Variants in NAA38 observed in about 807,000 individuals in gnomAD.
NAA38 encodes the protein LSM domain containing 1.
In NAA38, 15 loss-of-function variants were observed where a neutral mutation model predicts 12.6. The ratio of observed to expected loss-of-function variants is 1.19; its 90% CI spans 0.79 to 1.83. The LOEUF (loss-of-function observed/expected upper bound fraction) is 1.83. Ranked by LOEUF, NAA38 falls within the 40% of genes most tolerant of loss-of-function variation. NAA38 has a pLI of 0.00. For synonymous variants in NAA38, 88 were observed against 69.9 expected (o/e 1.26, Z -1.29); for missense variants, 183 against 171.7 (o/e 1.07, Z -0.37).
At chr17:7,884,924 G>A in intron 1 of NAA38, 2 of 1,413,944 alleles carry the variant, frequency 1.4e-6, no homozygotes, top group East Asian at 3.0e-5. Flanking sequence ...GGAGGCGGCC[G>A]ACGAGGACGA....
upstream of NAA38, chr17:7,862,104 T>A (rs1376769645): frequency 4.6e-5 from 7 of 152,246 alleles, no homozygotes; most frequent in Admixed American, 4.6e-4. Context: ...ATAAATCAGT[T>A]AGCACCATGC....
intron 2 of NAA38, among the ~76,000 whole-genome samples, chr17:7,882,357 G>C (rs1361511500): frequency 6.6e-6 from 1 of 152,154 alleles, no homozygotes; most frequent in African/African-American, 2.4e-5. Context: ...GAAAGAGGGG[G>C]AGTCAGGCAC....
intron 2 of NAA38, among the ~76,000 whole-genome samples, chr17:7,872,512 G>A (rs890535559): frequency 7.2e-5 from 11 of 152,274 alleles, no homozygotes; most frequent in East Asian, 5.8e-4. Context: ...GCAGGCATGC[G>A]CCACCACGCC....
intron 2 of NAA38, among the ~76,000 whole-genome samples, chr17:7,871,020 C>A (rs1967077128): frequency 6.6e-6 from 1 of 152,152 alleles, no homozygotes. Flanking sequence ...AACCACCACA[C>A]CCAACCAGAA....
chr17:7,882,171 C>G (rs1310053771), intron 2 of NAA38, among the ~76,000 whole-genome samples: 1 of 152,148 alleles, frequency 6.6e-6, no homozygotes, highest in African/African-American at 2.4e-5. Context: ...ACACGGCCAC[C>G]TTTAGCCACC....
At chr17:7,868,428 A>G (rs1967027769) in intron 2 of NAA38, among the ~76,000 whole-genome samples, 1 of 152,222 alleles carries the variant, frequency 6.6e-6, no homozygotes, top group Non-Finnish European at 1.5e-5. Context: ...TCTTAGAAGA[A>G]ATCTAACTGC....
At chr17:7,861,266 G>A (rs2078881105), upstream of NAA38, 1 of 152,078 alleles carries the variant, frequency 6.6e-6, no homozygotes, top group African/African-American at 2.4e-5. Context: ...AGATACTGGT[G>A]GGCTATATAG....
chr17:7,872,648 G>A (rs531281848), intron 2 of NAA38, among the ~76,000 whole-genome samples: 39 of 152,322 alleles, frequency 2.6e-4, no homozygotes, highest in Admixed American at 1.5e-3. Flanking sequence ...GGCCTGAGCC[G>A]CTGTGCCCGG....
intron 2 of NAA38, among the ~76,000 whole-genome samples, chr17:7,875,538 T>C (rs893909374): frequency 6.6e-6 from 1 of 152,218 alleles, no homozygotes; most frequent in African/African-American, 2.4e-5. Context: ...TCTTGCTATG[T>C]TGCTCAGGCT....
chr17:7,858,594 C>G (rs201752570), upstream of NAA38: 71 of 1,606,736 alleles, frequency 4.4e-5, no homozygotes, highest in Non-Finnish European at 5.9e-5. Flanking sequence ...CGCCCCAAAC[C>G]CTCCTTTAAA....
chr17:7,879,524 C>T (rs1567819386), intron 2 of NAA38, among the ~76,000 whole-genome samples: 2 of 151,652 alleles, frequency 1.3e-5, no homozygotes, highest in South Asian at 2.1e-4. Flanking sequence ...ATGTTTCTTG[C>T]TTTTGCGTTA....
chr17:7,869,784 A>C (rs894814715), intron 2 of NAA38, among the ~76,000 whole-genome samples: 4 of 152,018 alleles, frequency 2.6e-5, no homozygotes, highest in African/African-American at 9.7e-5. Flanking sequence ...AAAGAAAAAA[A>C]AATATTTTCC....
intron 2 of NAA38, among the ~76,000 whole-genome samples, chr17:7,868,027 C>G (rs1016775517): frequency 1.3e-5 from 2 of 152,154 alleles, no homozygotes; most frequent in Non-Finnish European, 2.9e-5. Flanking sequence ...GGCAGGCAGG[C>G]ACATGTCCAG....
At chr17:7,858,550 G>A (rs1597872860), upstream of NAA38, 4 of 1,612,838 alleles carry the variant, frequency 2.5e-6, no homozygotes, top group African/African-American at 1.3e-5. Context: ...AAAGGCGGAG[G>A]CTAGCCAGAG....
In NAA38 at chr17:7,884,288, T is replaced by C. The variant is rs981578325; in HGVS notation, c.-167+877A>G. Among the ~76,000 whole-genome samples, 12 of 138,034 alleles carry C rather than the reference T, an allele frequency of 8.7e-5. 1 individual carries two copies. Among genetic ancestry groups the C allele is most frequent in the Non-Finnish European group, 9.4e-5 (6 of 63,560 alleles). The allele number at this position is 138,034 out of a possible 152,430, so 90.6% of individuals were successfully genotyped here. A position where few individuals can be genotyped will look rare whatever the true frequency, so the allele number is the denominator to read the frequency against. ...ATTTTCCCCCCTCTCCCTTTCTTTA[T>C]GGAGGGGGTGGCGGTGCTGGAGGGG... On this transcript the variant is annotated intron_variant, in intron 1 of 4. Coordinates refer to the NAA38 transcript ENST00000576861.
chr17:7,859,965 T>G, upstream of NAA38: 2 of 240,864 alleles, frequency 8.3e-6, no homozygotes, highest in Non-Finnish European at 1.6e-5. Flanking sequence ...ATGATGGAAA[T>G]GAGATGTCTG....
chr17:7,871,801 C>T (rs554052830), intron 2 of NAA38, among the ~76,000 whole-genome samples: 17 of 152,260 alleles, frequency 1.1e-4, no homozygotes, highest in African/African-American at 3.9e-4. Context: ...AATACAAGCA[C>T]GCACCATGAT....
At chr17:7,882,845 G>A (rs1279656450) in intron 2 of NAA38, among the ~76,000 whole-genome samples, 10 of 152,162 alleles carry the variant, frequency 6.6e-5, no homozygotes, top group Non-Finnish European at 1.3e-4. Flanking sequence ...CCCTCTCAGG[G>A]TGCTCCTGAG....
At chr17:7,859,225 G>T, upstream of NAA38, 1 of 631,524 alleles carries the variant, frequency 1.6e-6, no homozygotes, top group Non-Finnish European at 2.8e-6. Flanking sequence ...TAGGACTTTA[G>T]GGTCTGCTCA....
Sources: allele counts gnomAD v4.1 joint callset (sites outside exome capture counted in the v4.1 genomes callset), GRCh38; gene constraint gnomAD v4.1.1; transcripts MANE v1.5; gene names NCBI Gene and HGNC (gene_info 2026-07-23, HGNC 2026-07-21).